TBC1D12: variants seen among roughly 807,000 people sequenced by gnomAD.
TBC1D12 encodes TBC1 domain family member 12, also known as TBC1 domain family, member 12.
TBC1D12 carries 56 observed loss-of-function variants against 86.7 expected under a neutral mutation model. That is an observed-to-expected ratio of 0.65 (90% CI 0.52 to 0.81). TBC1D12 has a LOEUF of 0.81. Among genes scored for constraint, TBC1D12 ranks in the 30% least tolerant of loss-of-function variants. The pLI is 0.00. For synonymous variants in TBC1D12, 421 were observed against 411.7 expected, an observed-to-expected ratio of 1.02 and a Z score of -0.27; for missense variants, 1,023 against 1,038.8, an observed-to-expected ratio of 0.98 and a Z score of 0.21.
rs1292661049 is a variant in TBC1D12 at position 94,497,143 on chromosome 10, C to G, written c.1383C>G (p.Ile461Met). ...ENIASAMVIW[I>M]NEILPNWEVM... ...TTGCAAGTGCAATGGTAATTTGGAT[C>G]AATGAAATACTGCCCAATTGGGAAG... The change falls in exon 5 of 13, where the codon ATC becomes ATG. Residue 461 changes from isoleucine (I) to methionine (M), a missense_variant. Coordinates refer to ENST00000225235, the MANE Select transcript of TBC1D12 (RefSeq NM_015188.2). 1.9e-6 allele frequency: 3 copies of G among 1,551,610 alleles called. No homozygotes were observed. The highest frequency in any genetic ancestry group is 2.6e-6 in the Non-Finnish European group (3 of 1,157,210).
At chr10:94,464,746 G>A (rs1008731739) in intron 2 of TBC1D12, among the ~76,000 whole-genome samples, 1 of 152,178 alleles carries the variant, frequency 6.6e-6, no homozygotes, top group African/African-American at 2.4e-5. Context: ...AGTTAAAACT[G>A]AAGTGTTCAA....
chr10:94,515,905 G>C (rs1329890016), intron 9 of TBC1D12, among the ~76,000 whole-genome samples: 1 of 120,564 alleles, frequency 8.3e-6, no homozygotes, highest in Non-Finnish European at 1.8e-5. Flanking sequence ...TAGGCAGGTG[G>C]GTAGCATATA....
intron 2 of TBC1D12, among the ~76,000 whole-genome samples, chr10:94,445,452 T>C (rs1365458068): frequency 6.6e-6 from 1 of 152,162 alleles, no homozygotes; most frequent in Non-Finnish European, 1.5e-5. Flanking sequence ...TGAAATGTAG[T>C]TGCTGCCTCT....
chr10:94,451,323 CAA>C (rs774910639), intron 2 of TBC1D12, among the ~76,000 whole-genome samples: 57 of 151,776 alleles, frequency 3.8e-4, no homozygotes, highest in African/African-American at 1.1e-3. Flanking sequence ...GTAAATTAAA[CAA>C]AAAATCTTAA....
chr10:94,411,843 A>C (rs1299465303), intron 1 of TBC1D12, among the ~76,000 whole-genome samples: 1 of 152,198 alleles, frequency 6.6e-6, no homozygotes, highest in African/African-American at 2.4e-5. Context: ...CTGTAGCCAC[A>C]GTTACTCGGG....
intron 5 of TBC1D12, among the ~76,000 whole-genome samples, chr10:94,499,930 T>G (rs1015044581): frequency 1.3e-5 from 2 of 152,188 alleles, no homozygotes; most frequent in African/African-American, 4.8e-5. Context: ...TTTATGTCCC[T>G]TTTATCCTGT....
chr10:94,474,641 C>A, intron 2 of TBC1D12, 27 bp from the exon 3 acceptor site: 3 of 1,550,426 alleles, frequency 1.9e-6, no homozygotes, highest in Admixed American at 1.7e-5. Flanking sequence ...GCAGTTTCTG[C>A]ATAAGGTATG....
intron 11 of TBC1D12, among the ~76,000 whole-genome samples, chr10:94,527,369 A>G (rs968915644): frequency 6.7e-6 from 1 of 150,352 alleles, no homozygotes; most frequent in Non-Finnish European, 1.5e-5. Flanking sequence ...GATTACAGGC[A>G]TGAGCCATGG....
At chr10:94,403,674 C>CGGAGCT in intron 1 of TBC1D12, 90 bp downstream of exon 1, 4 of 1,383,342 alleles carry the variant, frequency 2.9e-6, no homozygotes, top group Non-Finnish European at 2.8e-6. Context: ...GAGCCGGAGC[C>CGGAGCT]GGAGCGGAGA....
At chr10:94,488,769 A>G (rs564667183) in intron 3 of TBC1D12, among the ~76,000 whole-genome samples, 6 of 151,864 alleles carry the variant, frequency 4.0e-5, no homozygotes, top group African/African-American at 7.3e-5. Context: ...GTTCACTTCT[A>G]TTCTAGGGTG....
intron 2 of TBC1D12, 112 bp from the exon 3 acceptor site, chr10:94,474,556 T>C (rs560114093): frequency 1.4e-6 from 1 of 717,284 alleles, no homozygotes; most frequent in East Asian, 3.1e-5. Flanking sequence ...CAAATTATTT[T>C]TTGAATTGTA....
At chr10:94,449,489 T>C (rs1488694800) in intron 2 of TBC1D12, among the ~76,000 whole-genome samples, 1 of 152,176 alleles carries the variant, frequency 6.6e-6, no homozygotes, top group African/African-American at 2.4e-5. Context: ...ACCCTGTCTA[T>C]CCCAAGCATA....
chr10:94,478,493 G>T (rs1314380131), intron 3 of TBC1D12, among the ~76,000 whole-genome samples: 1 of 152,144 alleles, frequency 6.6e-6, no homozygotes, highest in Non-Finnish European at 1.5e-5. Context: ...GGCAGACCAT[G>T]AGGTCAAAAG....
chr10:94,448,001 G>A (rs1454997488), intron 2 of TBC1D12, among the ~76,000 whole-genome samples: 2 of 151,630 alleles, frequency 1.3e-5, no homozygotes, highest in African/African-American at 4.9e-5. Context: ...AAATTGTAGT[G>A]CTTAGATGAT....
Position 94,403,161 on chromosome 10 carries a change from A to G in TBC1D12, c.548A>G (p.Asp183Gly). ...GAGGGGCCTGGCGACGAGGACGCGG[A>G]CGGCGCGGGAAGCCCGTCCGATTGG... ...RLEGPGDEDADGAGSPSDWAS... is the reference protein window; with the variant it reads ...RLEGPGDEDAGGAGSPSDWAS... The change falls in exon 1 of 13, where the codon GAC becomes GGC. Residue 183 changes from aspartate (D) to glycine (G), a missense_variant. Asp to Gly is a moderately conservative substitution (Grantham distance 94). Around this residue, in one of 2 missense-constraint regions of TBC1D12, gnomAD observed 628 missense variants for 531.1 expected, o/e 1.18. Transcript: ENST00000225235. 6.9e-7 allele frequency: 1 copy of G among 1,440,406 alleles called. No individual in the cohort carries two copies. Among genetic ancestry groups the G allele is most frequent in the Non-Finnish European group, 9.1e-7 (1 of 1,102,278 alleles). 89.2% of individuals were successfully genotyped at this position (1,440,406 alleles called of 1,614,324 possible). A position where few individuals can be genotyped will look rare whatever the true frequency, so the allele number is the denominator to read the frequency against.
intron 6 of TBC1D12, 94 bp downstream of exon 6, chr10:94,500,421 C>T: frequency 1.0e-6 from 1 of 976,404 alleles, no homozygotes; most frequent in Non-Finnish European, 1.5e-6. Context: ...AAATAAATGG[C>T]CTTTATCATA....
At chr10:94,459,594 G>T (rs1329225741) in intron 2 of TBC1D12, among the ~76,000 whole-genome samples, 2 of 152,220 alleles carry the variant, frequency 1.3e-5, no homozygotes, top group Non-Finnish European at 1.5e-5. Flanking sequence ...CACCAGGGGG[G>T]TTGGGGGGAG....
intron 9 of TBC1D12, among the ~76,000 whole-genome samples, chr10:94,511,981 A>G (rs1001723007): frequency 1.1e-4 from 16 of 152,094 alleles, no homozygotes; most frequent in African/African-American, 3.9e-4. Context: ...TAAACCTCCT[A>G]TGTTCTACCA....
At position 94,531,138 on chromosome 10, in the gene TBC1D12, G is replaced by A. The variant is rs1589682460; in HGVS notation, c.2001-64G>A. ...AACACTGTTCTTTTTTTATAGAGAT[G>A]CTTACTGAGTAAATGAGTCAATGAA... On this transcript the variant is annotated intron_variant, in intron 11 of 12. Coordinates refer to ENST00000225235, the MANE Select transcript of TBC1D12 (RefSeq NM_015188.2). 5.2e-6 allele frequency: 8 copies of A among 1,532,086 alleles called. No individual in the cohort carries two copies. In the South Asian group the frequency reaches 1.0e-4, roughly 19 times the overall value. 94.9% of individuals were successfully genotyped at this position (1,532,086 alleles called of 1,614,324 possible).
Sources: gnomAD v4.1 joint callset for allele counts (sites outside exome capture counted in the v4.1 genomes callset) on GRCh38, gnomAD v4.1.1 for gene constraint, gnomAD v4.1.1 regional missense constraint, MANE v1.5 for transcripts, NCBI Gene and HGNC (gene_info 2026-07-23, HGNC 2026-07-21) for gene names.